CARMIL2: variants seen among roughly 807,000 people sequenced by gnomAD.
CARMIL2 encodes capping protein, Arp2/3 and myosin-I linker protein 2.
A neutral mutation model predicts 173.3 loss-of-function variants in CARMIL2; 96 were observed. That is an observed-to-expected ratio of 0.55 (90% CI 0.47 to 0.66). The LOEUF is 0.66. Ranked by LOEUF, CARMIL2 falls within the 30% of genes least tolerant of loss-of-function variation. CARMIL2 has a pLI of 0.00. For synonymous variants in CARMIL2, 830 were observed against 817.1 expected, an observed-to-expected ratio of 1.02 and a Z score of -0.27; for missense variants, 1,771 against 1,906.7, an observed-to-expected ratio of 0.93 and a Z score of 1.33.
rs1159963216 is a variant in CARMIL2, at chr16:67,651,925, A to C, written c.2593A>C (p.Met865Leu). 6.2e-7 allele frequency: 1 copy of C among 1,613,442 alleles called. No homozygotes were observed. Among genetic ancestry groups the C allele is most frequent in the African/African-American group, 1.3e-5 (1 of 74,958 alleles). Residue 865 changes from methionine (M) to leucine (L), a missense_variant, in exon 26 of 38, where the codon ATG (methionine) becomes CTG (leucine). By Grantham distance (15) the Met-to-Leu change is conservative. Transcript: ENST00000334583. The surrounding 1 kb of genome is among the most constrained non-coding windows in gnomAD (Gnocchi z 4.2). ...CCTGTCCTCTCCTGCCCTTAGGGACATGCGGCTATCAATCACGGGGACCTT... is the reference window on the plus strand; with the variant it reads ...CCTGTCCTCTCCTGCCCTTAGGGACCTGCGGCTATCAATCACGGGGACCTT... ...LQDAFTRLRD[M>L]RLSITGTLAE... is the part of the protein sequence containing the mutation.
At chr16:67,655,929 A>G in intron 32 of CARMIL2, 102 bp from the exon 33 acceptor site, 5 of 1,399,124 alleles carry the variant, frequency 3.6e-6, no homozygotes, top group Non-Finnish European at 4.9e-6. Flanking sequence ...TGTCCAGCCC[A>G]TGGTGGGCAT....
intron 22 of CARMIL2, 110 bp downstream of exon 22, chr16:67,650,260 C>G: frequency 1.2e-6 from 1 of 837,588 alleles, no homozygotes; most frequent in South Asian, 1.6e-5. Context: ...GGTGCCTGAG[C>G]CCTGCTGTCC....
rs1278401249 is a variant in CARMIL2, at chr16:67,657,441, C to T, written c.4231C>T (p.Pro1411Ser). The change falls in exon 38 of 38, where the codon CCC (proline) becomes TCC (serine). Residue 1411 changes from proline to serine, a missense_variant. Transcript: ENST00000334583. This position sits in a 1 kb window ranked among gnomAD's most constrained non-coding sequence, Gnocchi z 4.5. ...TGGAACCGAGCCTCTGCCCCCACAGCCCACAGAGCCCTCCAGCCCTGAGCG... is the reference window on the plus strand; with the variant it reads ...TGGAACCGAGCCTCTGCCCCCACAGTCCACAGAGCCCTCCAGCCCTGAGCG... The part of the protein sequence containing the change: ...GLGTEPLPPQ[P>S]TEPSSPERSP... The T allele has an allele frequency of 6.2e-7, 1 of 1,609,990 alleles. No homozygotes were observed. Among genetic ancestry groups the T allele is most frequent in the South Asian group, 1.1e-5 (1 of 90,628 alleles).
intron 3 of CARMIL2, 28 bp downstream of exon 3, chr16:67,645,805 C>G (rs371017577): frequency 7.5e-6 from 12 of 1,608,920 alleles, no homozygotes; most frequent in Non-Finnish European, 9.3e-6. Flanking sequence ...GCCACACCCC[C>G]GCCCGCCAGC....
intron 32 of CARMIL2, among the ~76,000 whole-genome samples, chr16:67,655,339 C>T (rs565900660): frequency 1.1e-4 from 16 of 152,212 alleles, no homozygotes; most frequent in Middle Eastern, 3.4e-3. Flanking sequence ...GGGTGAGGCA[C>T]GAGAATTGCT....
At position 67,654,089 on chromosome 16, in the gene CARMIL2, G is replaced by GGC. The variant is rs1555540714; in HGVS notation, c.3121-59_3121-58insCG. 15 of 1,110,418 alleles carry GGC rather than the reference G, an allele frequency of 1.4e-5. No individual in the cohort carries two copies. In the South Asian group the frequency reaches 1.9e-4, roughly 14 times the overall value. 68.8% of individuals were successfully genotyped at this position (1,110,418 alleles called of 1,614,324 possible). On this transcript the variant is annotated intron_variant, in intron 29 of 37. Transcript: ENST00000334583. ...AGTCCAGGCTGCCGGCCGGGGGGGG[G>GGC]GGGGGGTAGAAGCCAGAGTTGCACT... is the stretch of plus-strand genomic sequence containing the variant.
Position 67,657,422 on chromosome 16 carries a change from C to G in CARMIL2, c.4212C>G (p.Thr1404=), listed in dbSNP as rs571772592. 1.2e-6 allele frequency: 2 copies of G among 1,605,548 alleles called. No homozygotes were observed. Among genetic ancestry groups the G allele is most frequent in the Non-Finnish European group, 1.7e-6 (2 of 1,176,488 alleles). ...CCCTCACAGGATCTGGCCTTGGAACCGAGCCTCTGCCCCCACAGCCCACAG... is the reference window on the plus strand; with the variant it reads ...CCCTCACAGGATCTGGCCTTGGAACGGAGCCTCTGCCCCCACAGCCCACAG... The part of the protein sequence containing the change: ...PSPSLGSGLG[T]EPLPPQPTEP... Residue 1404 remains threonine (T), a synonymous_variant, in exon 38 of 38, where the codon ACC becomes ACG. Transcript: ENST00000334583. This position sits in a 1 kb window ranked among gnomAD's most constrained non-coding sequence, Gnocchi z 4.5.
In CARMIL2 at chr16:67,651,904, T is replaced by C; in HGVS notation, c.2589-17T>C. 3 of 1,613,306 alleles carry C rather than the reference T, an allele frequency of 1.9e-6. No homozygotes were observed. The highest frequency in any genetic ancestry group is 2.5e-6 in the Non-Finnish European group (3 of 1,179,776). On this transcript the variant is annotated splice_polypyrimidine_tract_variant and intron_variant, in intron 25 of 37. Transcript: ENST00000334583. This position sits in a 1 kb window ranked among gnomAD's most constrained non-coding sequence, Gnocchi z 4.2. ...AGCAAAGCCAGCCCATTAACCCCTG[T>C]CCTCTCCTGCCCTTAGGGACATGCG...
rs201239902 is a variant in CARMIL2 at position 67,648,907 on chromosome 16, C to T, written c.1524C>T (p.Gly508=). The change falls in exon 17 of 38, where the codon GGC becomes GGT. Residue 508 remains glycine, a synonymous_variant. Coordinates refer to ENST00000334583, the MANE Select transcript of CARMIL2 (RefSeq NM_001013838.3). The surrounding 1 kb of genome is among the most constrained non-coding windows in gnomAD (Gnocchi z 6.1). ...CCCACATACAGCTGCGCTCGGCCGG[C>T]GCCCAGGTGATACAAGACTTAGTGT... ...DLSACELRSA[G]AQVIQDLVCD... The T allele has an allele frequency of 2.5e-6, 4 of 1,606,768 alleles. No individual in the cohort carries two copies. Among genetic ancestry groups the T allele is most frequent in the Admixed American group, 3.4e-5 (2 of 59,104 alleles).
Position 67,645,541 on chromosome 16 carries a change from C to A in CARMIL2, c.42C>A (p.Gly14=), listed in dbSNP as rs1445840219. The change falls in exon 2 of 38, where the codon GGC becomes GGA. Residue 14 remains glycine (G), a splice_region_variant and synonymous_variant. Transcript: ENST00000334583. The part of the protein sequence containing the change: ...TPDGISCELR[G]EITRFLWPKE... ...ACCCAGCAGGCTGCCCTTCCACAGG[C>A]GAGATCACCAGGTTCCTGTGGCCCA... is the stretch of plus-strand genomic sequence containing the variant. 1 of 1,598,626 alleles carries A rather than the reference C, an allele frequency of 6.3e-7. No individual in the cohort carries two copies. Among genetic ancestry groups the A allele is most frequent in the East Asian group, 2.3e-5 (1 of 44,092 alleles).
chr16:67,656,987 T>C (rs940123478), intron 36 of CARMIL2, 106 bp downstream of exon 36: 1 of 952,984 alleles, frequency 1.0e-6, no homozygotes. Flanking sequence ...CACCAGTGTG[T>C]GAGGTCTCAA....
chr16:67,652,229 A>T lies in CARMIL2; in HGVS notation c.2707A>T (p.Thr903Ser). ...VESLAQQATV[T>S]MPPALPAPDG... The stretch of plus-strand genomic sequence containing the variant: ...GAGTCTGGCTCAGCAGGCAACAGTG[A>T]CAATGCCCCCTGCCCTACCAGCACC... The change falls in exon 27 of 38, where the codon ACA (threonine) becomes TCA (serine). Residue 903 changes from threonine to serine, a missense_variant. Physicochemically the swap from Thr to Ser is moderately conservative, Grantham distance 58. Coordinates refer to ENST00000334583, the MANE Select transcript of CARMIL2 (RefSeq NM_001013838.3). The surrounding 1 kb of genome is among the most constrained non-coding windows in gnomAD (Gnocchi z 4.7). The T allele has an allele frequency of 6.2e-7, 1 of 1,613,110 alleles. No homozygotes were observed. The highest frequency in any genetic ancestry group is 8.5e-7 in the Non-Finnish European group (1 of 1,179,834).
chr16:67,649,853 A>C lies in CARMIL2; in HGVS notation c.1967A>C (p.Asp656Ala), dbSNP rs1004126390. The C allele has an allele frequency of 6.8e-6, 11 of 1,612,664 alleles. No individual in the cohort carries two copies. Among genetic ancestry groups the C allele is most frequent in the Middle Eastern group, 1.6e-4 (1 of 6,080 alleles). Reference sequence around the variant, plus strand: ...CACACATCTGCTTTGGGTCTGCTGGACGTGGCGCAGGCGCTGGAGCAGAAC... The same window carrying C: ...CACACATCTGCTTTGGGTCTGCTGGCCGTGGCGCAGGCGCTGGAGCAGAAC... ...RNHTSALGLL[D>A]VAQALEQNHS... The change falls in exon 21 of 38, where the codon GAC (aspartate) becomes GCC (alanine). Residue 656 changes from aspartate to alanine, a missense_variant. By Grantham distance (126) the Asp-to-Ala change is moderately radical (BLOSUM62 -2). Coordinates refer to ENST00000334583, the MANE Select transcript of CARMIL2 (RefSeq NM_001013838.3). This position sits in a 1 kb window ranked among gnomAD's most constrained non-coding sequence, Gnocchi z 6.7.
chr16:67,646,493 T>G lies in CARMIL2; in HGVS notation c.442T>G (p.Ser148Ala), dbSNP rs2052596520. ...GCTGGAGAGAAGCAGCCCCTCGGAGTCCACTGACCCCTGCAGCCCCTGTGG... is the reference window on the plus strand; with the variant it reads ...GCTGGAGAGAAGCAGCCCCTCGGAGGCCACTGACCCCTGCAGCCCCTGTGG... ...ARLERSSPSE[S>A]TDPCSPCGGF... Residue 148 changes from serine (S) to alanine (A), a missense_variant, in exon 6 of 38, where the codon TCC (serine) becomes GCC (alanine). Physicochemically the swap from Ser to Ala is moderately conservative, Grantham distance 99. Transcript: ENST00000334583. This position sits in a 1 kb window ranked among gnomAD's most constrained non-coding sequence, Gnocchi z 4.6. 1 of 1,612,732 alleles carries G rather than the reference T, an allele frequency of 6.2e-7. No individual in the cohort carries two copies. The highest frequency in any genetic ancestry group is 1.7e-5 in the Admixed American group (1 of 59,948).
Position 67,646,955 on chromosome 16 carries a change from T to A in CARMIL2, c.593T>A (p.Phe198Tyr). The change falls in exon 8 of 38, where the codon TTC becomes TAC. Residue 198 changes from phenylalanine to tyrosine, a missense_variant. Physicochemically the swap from Phe to Tyr is conservative, Grantham distance 22 (BLOSUM62 3). This residue lies in a region of CARMIL2 where 944 missense variants were observed against 975.6 expected (regional missense o/e 0.97). Coordinates refer to ENST00000334583, the MANE Select transcript of CARMIL2 (RefSeq NM_001013838.3). This position sits in a 1 kb window ranked among gnomAD's most constrained non-coding sequence, Gnocchi z 4.6. ...TGCCGCCATTTCAGCCTGGGAGACT[T>A]CAGCCACCTCGGCAGTCGGTGTGTG... The part of the protein sequence containing the change: ...QGCRHFSLGD[F>Y]SHLGSRDLAL... 6.2e-7 allele frequency: 1 copy of A among 1,613,524 alleles called. No individual in the cohort carries two copies. Among genetic ancestry groups the A allele is most frequent in the Non-Finnish European group, 8.5e-7 (1 of 1,179,828 alleles).
chr16:67,657,177 G>GCCTTA lies in CARMIL2; in HGVS notation c.4118-62_4118-61insCCTTA. The GCCTTA allele has an allele frequency of 1.4e-6, 2 of 1,440,700 alleles. No homozygotes were observed. Among genetic ancestry groups the GCCTTA allele is most frequent in the Admixed American group, 3.6e-5 (2 of 55,192 alleles). 89.2% of individuals were successfully genotyped at this position (1,440,700 alleles called of 1,614,324 possible). A position where few individuals can be genotyped will look rare whatever the true frequency, so the allele number is the denominator to read the frequency against. On this transcript the variant is annotated intron_variant, in intron 36 of 37. Transcript: ENST00000334583. The surrounding 1 kb of genome is among the most constrained non-coding windows in gnomAD (Gnocchi z 4.5). The stretch of plus-strand genomic sequence containing the variant: ...ATGTGCACTGGAGGTGGAAGAGAGG[G>GCCTTA]GCAGGGGATGGACAGACCCCAAGCC...
In CARMIL2 at chr16:67,646,497, C is replaced by T. The variant is rs568682548; in HGVS notation, c.446C>T (p.Thr149Ile). Residue 149 changes from threonine (T) to isoleucine (I), a missense_variant, in exon 6 of 38, where the codon ACT becomes ATT. By Grantham distance (89) the Thr-to-Ile change is moderately conservative. This residue lies in a region of CARMIL2 where 944 missense variants were observed against 975.6 expected (regional missense o/e 0.97). Coordinates refer to ENST00000334583, the MANE Select transcript of CARMIL2 (RefSeq NM_001013838.3). The surrounding 1 kb of genome is among the most constrained non-coding windows in gnomAD (Gnocchi z 4.6). ...GAGAGAAGCAGCCCCTCGGAGTCCACTGACCCCTGCAGCCCCTGTGGTAAG... is the reference window on the plus strand; with the variant it reads ...GAGAGAAGCAGCCCCTCGGAGTCCATTGACCCCTGCAGCCCCTGTGGTAAG... The part of the protein sequence containing the change: ...RLERSSPSES[T>I]DPCSPCGGFL... The T allele has an allele frequency of 3.7e-6, 6 of 1,613,356 alleles. No homozygotes were observed. Among genetic ancestry groups the T allele is most frequent in the Non-Finnish European group, 5.1e-6 (6 of 1,179,844 alleles).
rs1332136501 is a variant in CARMIL2, at chr16:67,648,890, C to G, written c.1510-3C>G. On this transcript the variant is annotated splice_region_variant and splice_polypyrimidine_tract_variant and intron_variant, in intron 16 of 37. Coordinates refer to ENST00000334583, the MANE Select transcript of CARMIL2 (RefSeq NM_001013838.3). The surrounding 1 kb of genome is among the most constrained non-coding windows in gnomAD (Gnocchi z 6.1). ...CTTCCCACCTCCCACCTCCCACATA[C>G]AGCTGCGCTCGGCCGGCGCCCAGGT... 2 of 1,602,548 alleles carry G rather than the reference C, an allele frequency of 1.2e-6. No individual in the cohort carries two copies. The highest frequency in any genetic ancestry group is 1.7e-6 in the Non-Finnish European group (2 of 1,175,324).
rs1173158738 is a variant in CARMIL2, at chr16:67,648,766, C to A, written c.1509+12C>A. 2 of 1,595,744 alleles carry A rather than the reference C, an allele frequency of 1.3e-6. No individual in the cohort carries two copies. Among genetic ancestry groups the A allele is most frequent in the Non-Finnish European group, 1.7e-6 (2 of 1,171,886 alleles). On this transcript the variant is annotated intron_variant, in intron 16 of 37. Transcript: ENST00000334583. This position sits in a 1 kb window ranked among gnomAD's most constrained non-coding sequence, Gnocchi z 6.1. ...TCAGCGCTTGCGAGGTGAGCGCCGG[C>A]CCCCAGAAGAGACCACACATTGGGA...
Sources: gnomAD v4.1 joint callset for allele counts (sites outside exome capture counted in the v4.1 genomes callset) on GRCh38, gnomAD v4.1.1 for gene constraint, gnomAD v4.1.1 regional missense constraint, Gnocchi (gnomAD v3.1) non-coding constraint, MANE v1.5 for transcripts, NCBI Gene and HGNC (gene_info 2026-07-23, HGNC 2026-07-21) for gene names.